ST6GAL2: variants seen among roughly 807,000 people sequenced by gnomAD.
ST6GAL2 encodes the protein beta-galactoside alpha-2,6-sialyltransferase 2.
In ST6GAL2, 24 loss-of-function variants were observed where a neutral mutation model predicts 37.5. The ratio of observed to expected loss-of-function variants is 0.64; its 90% CI spans 0.46 to 0.90. ST6GAL2 has a LOEUF of 0.90. Ranked by LOEUF, ST6GAL2 falls within the 40% of genes least tolerant of loss-of-function variation. The pLI is 0.00. For missense variants in ST6GAL2, 715 were observed against 712.7 expected (o/e 1.00, Z -0.04); for synonymous variants, 306 against 295.1 (o/e 1.04, Z -0.38).
At chr2:106,866,843 C>A (rs1477010551) in intron 1 of ST6GAL2, among the ~76,000 whole-genome samples, 1 of 152,082 alleles carries the variant, frequency 6.6e-6, no homozygotes, top group African/African-American at 2.4e-5. Context: ...TTCCTCTGTT[C>A]TGGTCAGAAA....
intron 5 of ST6GAL2, among the ~76,000 whole-genome samples, chr2:106,822,268 C>T (rs937516953): frequency 6.6e-6 from 1 of 152,050 alleles, no homozygotes; most frequent in Non-Finnish European, 1.5e-5. Flanking sequence ...CCTAAAGACT[C>T]CGCCAAAAAA....
chr2:106,801,791 C>A lies in ST6GAL2; in HGVS notation c.*4887G>T, dbSNP rs1675270701. ...GTACACATTTCATTTTAAAAATTAT[C>A]ATACAAAAGAATTCCCAAAGCTGTT... On this transcript the variant is annotated 3_prime_UTR_variant, in exon 6 of 6. Coordinates refer to ENST00000409382, the MANE Select transcript of ST6GAL2 (RefSeq NM_001142351.2). 1 of 152,164 alleles carries A rather than the reference C, an allele frequency of 6.6e-6. No individual in the cohort carries two copies. Among genetic ancestry groups the A allele is most frequent in the East Asian group, 1.9e-4 (1 of 5,192 alleles). 9.4% of individuals were successfully genotyped at this position (152,164 alleles called of 1,614,324 possible). A position where few individuals can be genotyped will look rare whatever the true frequency, so the allele number is the denominator to read the frequency against.
intron 1 of ST6GAL2, among the ~76,000 whole-genome samples, chr2:106,854,816 T>C (rs908206534): frequency 2.0e-5 from 3 of 152,126 alleles, no homozygotes; most frequent in African/African-American, 4.8e-5. Context: ...GCTTATTTTA[T>C]TGTATAAAGT....
At chr2:106,850,132 C>T (rs1040765158) in intron 1 of ST6GAL2, among the ~76,000 whole-genome samples, 9 of 152,074 alleles carry the variant, frequency 5.9e-5, no homozygotes, top group Admixed American at 3.3e-4. Context: ...TATATGAAAA[C>T]GCCTAGTTTC....
rs1470591 is a variant in ST6GAL2, at chr2:106,806,732, G to A, written c.1536C>T (p.Pro512=). ...DLHRKGKVVL[P]GFQAVHCPAP... ...CAGGGCAGTGCACCGCCTGGAAGCC[G>A]GGAAGAACCACCTTGCCCTTGCGAT... Residue 512 remains proline, a synonymous_variant, in exon 6 of 6, where the codon CCC becomes CCT. Coordinates refer to ENST00000409382, the MANE Select transcript of ST6GAL2 (RefSeq NM_001142351.2). The A allele has an allele frequency of 0.4, 652,660 of 1,613,790 alleles. 141,546 individuals carry two copies. The highest frequency in any genetic ancestry group is 0.45 in the Non-Finnish European group (536,507 of 1,179,852).
intron 5 of ST6GAL2, chr2:106,813,166 G>A (rs1392490220): frequency 1.5e-6 from 2 of 1,295,264 alleles, no homozygotes; most frequent in Non-Finnish European, 9.9e-7. Flanking sequence ...AGGCTGGAGT[G>A]CAGTCGCGTG....
chr2:106,880,164 G>C (rs1334877549), intron 1 of ST6GAL2, among the ~76,000 whole-genome samples: 3 of 151,810 alleles, frequency 2.0e-5, no homozygotes, highest in Admixed American at 2.0e-4. Context: ...TTAGAAATTA[G>C]AGCATATAAT....
chr2:106,822,092 T>C (rs1676024453), intron 5 of ST6GAL2, among the ~76,000 whole-genome samples: 1 of 152,108 alleles, frequency 6.6e-6, no homozygotes, highest in African/African-American at 2.4e-5. Flanking sequence ...CTCTAAGATC[T>C]GGAATATGGC....
chr2:106,866,910 T>G (rs902534382), intron 1 of ST6GAL2, among the ~76,000 whole-genome samples: 2 of 152,244 alleles, frequency 1.3e-5, no homozygotes, highest in African/African-American at 4.8e-5. Flanking sequence ...TCAGTGATTA[T>G]GCAAACAAGT....
chr2:106,844,908 GTGGGAAGCACACAGCACT>G, intron 1 of ST6GAL2, among the ~76,000 whole-genome samples: 1 of 152,178 alleles, frequency 6.6e-6, no homozygotes, highest in African/African-American at 2.4e-5. Flanking sequence ...GTATTGCTGT[GTGGGAAGCACACAGCACT>G]TAGTACCAAA....
chr2:106,857,109 A>G (rs1317179131), intron 1 of ST6GAL2, among the ~76,000 whole-genome samples: 1 of 152,208 alleles, frequency 6.6e-6, no homozygotes, highest in Non-Finnish European at 1.5e-5. Context: ...GTAGAGTAGT[A>G]TCGACATTAC....
At chr2:106,884,712 T>C (rs948841651) in intron 1 of ST6GAL2, among the ~76,000 whole-genome samples, 37 of 152,078 alleles carry the variant, frequency 2.4e-4, no homozygotes, top group African/African-American at 8.2e-4. Flanking sequence ...TTTCATCAGT[T>C]TTGAGCACAA....
rs1677010288 is a variant in ST6GAL2 at position 106,843,541 on chromosome 2, C to T, written c.437G>A (p.Gly146Glu). ...CCCGGGGGAAGGGAATCCCAATGTC[C>T]CCTGAGTGTGGCTGTGCCACCCTGG... ...GQPGWHSHTQ[G>E]TLGFPSPGEP... Residue 146 changes from glycine to glutamate, a missense_variant, in exon 2 of 6, where the codon GGG becomes GAG. Coordinates refer to ENST00000409382, the MANE Select transcript of ST6GAL2 (RefSeq NM_001142351.2). The T allele has an allele frequency of 6.2e-7, 1 of 1,614,040 alleles. No homozygotes were observed. Among genetic ancestry groups the T allele is most frequent in the Non-Finnish European group, 8.5e-7 (1 of 1,180,014 alleles).
intron 5 of ST6GAL2, among the ~76,000 whole-genome samples, chr2:106,816,050 T>G (rs576544987): frequency 6.6e-6 from 1 of 152,308 alleles, no homozygotes; most frequent in East Asian, 1.9e-4. Flanking sequence ...TACACTAAAA[T>G]AAAGTCAGGA....
At chr2:106,861,089 T>A (rs1444609597) in intron 1 of ST6GAL2, among the ~76,000 whole-genome samples, 2 of 152,102 alleles carry the variant, frequency 1.3e-5, no homozygotes, top group African/African-American at 4.8e-5. Context: ...GAGACCCTAA[T>A]TGTGGCTAAA....
intron 1 of ST6GAL2, among the ~76,000 whole-genome samples, chr2:106,859,342 T>G (rs1204259211): frequency 6.6e-6 from 1 of 152,196 alleles, no homozygotes; most frequent in African/African-American, 2.4e-5. Context: ...TGCATAGTTA[T>G]AATTGTGCTG....
At chr2:106,878,426 T>C (rs1461369741) in intron 1 of ST6GAL2, among the ~76,000 whole-genome samples, 2 of 152,140 alleles carry the variant, frequency 1.3e-5, no homozygotes, top group Non-Finnish European at 2.9e-5. Context: ...ATTGCACCAC[T>C]GTACTCCAGC....
Position 106,837,273 on chromosome 2 carries a change from C to T in ST6GAL2, c.944-3127G>A, listed in dbSNP as rs1365753961. Among the ~76,000 whole-genome samples the T allele has an allele frequency of 2.0e-5, 3 of 152,116 alleles. No individual in the cohort carries two copies. The East Asian group carries it at 5.8e-4, about 29-fold the overall frequency. On this transcript the variant is annotated intron_variant, in intron 2 of 5. Transcript: ENST00000409382. The stretch of plus-strand genomic sequence containing the variant: ...AACTGGCACACATAAGTGCTTTTCT[C>T]CTATTTCCCCATGTGCCCCACTGAA...
intron 5 of ST6GAL2, among the ~76,000 whole-genome samples, chr2:106,826,858 C>T (rs1489960428): frequency 6.6e-6 from 1 of 152,170 alleles, no homozygotes. Flanking sequence ...ATACATGTAT[C>T]TAATGAGCAT....
Sources: gnomAD v4.1 joint callset for allele counts (sites outside exome capture counted in the v4.1 genomes callset) on GRCh38, gnomAD v4.1.1 for gene constraint, MANE v1.5 for transcripts, NCBI Gene and HGNC (gene_info 2026-07-23, HGNC 2026-07-21) for gene names.